Variants in CFAP20DC observed in about 807,000 individuals in gnomAD.
The protein encoded by CFAP20DC is protein CFAP20DC.
CFAP20DC carries 84 observed loss-of-function variants against 101.7 expected under a neutral mutation model. The observed-to-expected ratio is 0.83, with a 90% CI of 0.69 to 0.99. The LOEUF is 0.99. CFAP20DC is among the 50% of genes least tolerant of loss of function. The pLI, the probability that CFAP20DC is intolerant of heterozygous loss-of-function variation, is 0.00. For missense variants in CFAP20DC, 1,007 were observed against 970.3 expected (o/e 1.04, Z -0.50); for synonymous variants, 359 against 351.2 (o/e 1.02, Z -0.25).
chr3:58,757,312 C>T (rs1173891806), intron 15 of CFAP20DC, among the ~76,000 whole-genome samples: 2 of 151,898 alleles, frequency 1.3e-5, no homozygotes, highest in East Asian at 1.9e-4. Flanking sequence ...TCTCATTATA[C>T]GTGGAGTTGA....
chr3:58,896,460 G>A (rs771597909), intron 6 of CFAP20DC, among the ~76,000 whole-genome samples: 1 of 151,848 alleles, frequency 6.6e-6, no homozygotes, highest in African/African-American at 2.4e-5. Flanking sequence ...TCTCTAGTTT[G>A]TTTCATTGTG....
At chr3:58,730,293 T>G (rs1262435375) in intron 3 of CFAP20DC, among the ~76,000 whole-genome samples, 1 of 152,236 alleles carries the variant, frequency 6.6e-6, no homozygotes, top group South Asian at 2.1e-4. Flanking sequence ...ATTAACTTGA[T>G]TAATCATTCC....
chr3:58,894,745 A>C lies in CFAP20DC; in HGVS notation c.551-10036T>G, dbSNP rs2082533571. ...GTCTGTGTGGTGGCTCCAATCCCAC[A>C]TTTCCCTTCTGCACTGCCCTAGCTG... On this transcript the variant is annotated intron_variant, in intron 6 of 16. Coordinates refer to ENST00000482387, the MANE Select transcript of CFAP20DC (RefSeq NM_001394063.1). The surrounding 1 kb of genome is among the most constrained non-coding windows in gnomAD (Gnocchi z 4.1). 6.6e-6 allele frequency among the ~76,000 whole-genome samples: 1 copy of C among 152,114 alleles called. No individual in the cohort carries two copies. The highest frequency in any genetic ancestry group is 6.5e-5 in the Admixed American group (1 of 15,284).
chr3:58,813,914 G>C (rs966165545), intron 14 of CFAP20DC, among the ~76,000 whole-genome samples: 1 of 151,786 alleles, frequency 6.6e-6, no homozygotes, highest in African/African-American at 2.4e-5. Flanking sequence ...TAAGACTTTC[G>C]GCAATTTGCA....
intron 14 of CFAP20DC, among the ~76,000 whole-genome samples, chr3:58,809,838 C>G (rs2095113953): frequency 6.6e-6 from 1 of 151,980 alleles, no homozygotes; most frequent in Admixed American, 6.6e-5. Context: ...AGAGAAGAAT[C>G]AAATAGACAC....
intron 6 of CFAP20DC, among the ~76,000 whole-genome samples, chr3:58,911,369 A>G (rs2084133738): frequency 1.3e-5 from 2 of 152,204 alleles, no homozygotes; most frequent in South Asian, 4.1e-4. Context: ...GTACTATGTG[A>G]TTCCATTTAT....
intron 5 of CFAP20DC, among the ~76,000 whole-genome samples, chr3:58,921,863 G>A (rs1434643390): frequency 1.3e-5 from 2 of 152,092 alleles, no homozygotes; most frequent in Non-Finnish European, 2.9e-5. Context: ...TTTGCTTCTT[G>A]CATTTTGAAG....
chr3:58,835,351 T>A (rs1040186158), intron 13 of CFAP20DC, among the ~76,000 whole-genome samples: 1 of 152,090 alleles, frequency 6.6e-6, no homozygotes, highest in Admixed American at 6.5e-5. Context: ...AAGGTGGCAT[T>A]TGAGAGTAAT....
chr3:59,040,106 G>T (rs377554935), intron 3 of CFAP20DC, among the ~76,000 whole-genome samples: 18 of 151,944 alleles, frequency 1.2e-4, no homozygotes, highest in South Asian at 4.1e-4. Flanking sequence ...ACAACTGAAG[G>T]TTTGATGAGC....
intron 13 of CFAP20DC, among the ~76,000 whole-genome samples, chr3:58,838,394 C>T (rs933778499): frequency 6.6e-6 from 1 of 152,080 alleles, no homozygotes; most frequent in South Asian, 2.1e-4. Flanking sequence ...TTTTAGCATG[C>T]GACCCTGAAG....
intron 6 of CFAP20DC, among the ~76,000 whole-genome samples, chr3:58,905,928 C>A (rs1223662882): frequency 2.0e-5 from 3 of 152,174 alleles, no homozygotes; most frequent in Admixed American, 6.5e-5. Context: ...ATCTGTCTCT[C>A]TTCTACCAGC....
At chr3:58,896,357 G>C (rs373575837) in intron 6 of CFAP20DC, among the ~76,000 whole-genome samples, 6 of 151,694 alleles carry the variant, frequency 4.0e-5, no homozygotes, top group Non-Finnish European at 7.4e-5. Context: ...TTGATTTTTT[G>C]AAAGGTATTT....
At position 58,829,090 on chromosome 3, in the gene CFAP20DC, GGGA is replaced by G. The variant is rs137889021; in HGVS notation, c.2175+2593_2175+2595del. 9.8e-3 allele frequency among the ~76,000 whole-genome samples: 1,497 copies of G among 152,198 alleles called. 27 individuals carry two copies. Among genetic ancestry groups the G allele is most frequent in the African/African-American group, 0.035 (1,435 of 41,542 alleles). On this transcript the variant is annotated intron_variant, in intron 14 of 16. Coordinates refer to ENST00000482387, the MANE Select transcript of CFAP20DC (RefSeq NM_001394063.1). ...GGCTCACCTGTAATCCCAGCACTTT[GGGA>G]GGCCAAGGTGGGTGGATCATTTGAG...
chr3:58,891,352 G>A (rs1013218700), intron 6 of CFAP20DC, among the ~76,000 whole-genome samples: 12 of 151,278 alleles, frequency 7.9e-5, no homozygotes, highest in African/African-American at 1.4e-4. Flanking sequence ...GCAGTGAGCC[G>A]AGATGGCAGC....
intron 11 of CFAP20DC, 54 bp downstream of exon 11, chr3:58,866,512 C>A: frequency 1.4e-6 from 2 of 1,393,370 alleles, no homozygotes; most frequent in South Asian, 1.5e-5. Flanking sequence ...GAAATATTTA[C>A]CATATTTACA....
intron 4 of CFAP20DC, among the ~76,000 whole-genome samples, chr3:59,012,827 C>T (rs1177152687): frequency 6.6e-6 from 1 of 152,004 alleles, no homozygotes; most frequent in Non-Finnish European, 1.5e-5. Context: ...TTTTTCCTTG[C>T]AGTTGCGATT....
chr3:58,817,466 C>T (rs1347597617), intron 14 of CFAP20DC, among the ~76,000 whole-genome samples: 5 of 147,642 alleles, frequency 3.4e-5, no homozygotes, highest in African/African-American at 1.3e-4. Context: ...GAGCTGAAAA[C>T]CAAGGCTCGA....
intron 5 of CFAP20DC, among the ~76,000 whole-genome samples, chr3:58,921,023 A>C (rs1034474306): frequency 6.6e-6 from 1 of 152,156 alleles, no homozygotes; most frequent in East Asian, 1.9e-4. Context: ...TGTGTCTTTA[A>C]AAGAATTTTC....
At chr3:58,936,608 G>A (rs2087671846) in intron 5 of CFAP20DC, among the ~76,000 whole-genome samples, 1 of 152,128 alleles carries the variant, frequency 6.6e-6, no homozygotes, top group African/African-American at 2.4e-5. Flanking sequence ...AAAATGAAGA[G>A]TTCATGTCGT....
Sources: gnomAD v4.1 joint callset for allele counts (sites outside exome capture counted in the v4.1 genomes callset) on GRCh38, gnomAD v4.1.1 for gene constraint, Gnocchi (gnomAD v3.1) non-coding constraint, MANE v1.5 for transcripts, NCBI Gene and HGNC (gene_info 2026-07-23, HGNC 2026-07-21) for gene names.